The following CCSER1 variants were observed in gnomAD, a reference collection of about 807,000 sequenced individuals.
The protein encoded by CCSER1 is serine-rich coiled-coil domain-containing protein 1.
CCSER1 carries 41 observed loss-of-function variants against 82.0 expected under a neutral mutation model. The observed-to-expected ratio is 0.50, with a 90% CI of 0.39 to 0.65. The LOEUF (loss-of-function observed/expected upper bound fraction) is 0.65. CCSER1 is among the 30% of genes least tolerant of loss of function. The pLI is 0.00. For missense variants in CCSER1, 1,119 were observed against 1,064.2 expected (o/e 1.05, Z -0.72); for synonymous variants, 414 against 383.9 (o/e 1.08, Z -0.92).
chr4:91,466,633 G>A lies in CCSER1; in HGVS notation c.2218-131939G>A, dbSNP rs186202775. Among the ~76,000 whole-genome samples, 197 of 152,260 alleles carry A rather than the reference G, an allele frequency of 1.3e-3. 1 individual carries two copies. The highest frequency in any genetic ancestry group is 2.0e-3 in the African/African-American group (84 of 41,550). On this transcript the variant is annotated intron_variant, in intron 10 of 10. Transcript: ENST00000509176. ...TCATCTCAGCCCAAAATCTCCTTAA[G>A]CTGATAAGCAACTTCAGCAAAGTCT...
chr4:91,080,906 T>C (rs150014623), intron 9 of CCSER1, among the ~76,000 whole-genome samples: 2,594 of 152,070 alleles, frequency 0.017, 64 homozygotes, highest in African/African-American at 0.057. Flanking sequence ...GAAATTGAGG[T>C]AATAATTAAT....
At chr4:91,025,535 G>T (rs1434853428) in intron 9 of CCSER1, among the ~76,000 whole-genome samples, 1 of 152,096 alleles carries the variant, frequency 6.6e-6, no homozygotes, top group Non-Finnish European at 1.5e-5. Flanking sequence ...TTTCACTGTT[G>T]TTGCCACTAC....
At chr4:91,119,021 A>G (rs1337580707) in intron 10 of CCSER1, among the ~76,000 whole-genome samples, 1 of 152,134 alleles carries the variant, frequency 6.6e-6, no homozygotes, top group Non-Finnish European at 1.5e-5. Context: ...TCCTTAAAAG[A>G]GGTGTGAAGG....
intron 4 of CCSER1, among the ~76,000 whole-genome samples, chr4:90,466,748 C>G (rs1481397471): frequency 2.0e-5 from 3 of 152,170 alleles, no homozygotes; most frequent in African/African-American, 7.2e-5. Context: ...AACTCTTTCT[C>G]TATTGTTGGT....
At chr4:90,464,983 G>A (rs556784224) in intron 4 of CCSER1, among the ~76,000 whole-genome samples, 3 of 152,190 alleles carry the variant, frequency 2.0e-5, no homozygotes, top group Admixed American at 6.5e-5. Flanking sequence ...TTTTGTTTTC[G>A]AGACGGGGTC....
intron 7 of CCSER1, among the ~76,000 whole-genome samples, chr4:90,790,548 ATT>A (rs34761040): frequency 0.031 from 4,635 of 151,768 alleles, 206 homozygotes; most frequent in African/African-American, 0.1. Context: ...TTCTGGATAC[ATT>A]TTTTTTCCCC....
intron 10 of CCSER1, among the ~76,000 whole-genome samples, chr4:91,489,128 T>C (rs1300356199): frequency 6.6e-6 from 1 of 152,124 alleles, no homozygotes; most frequent in Admixed American, 6.6e-5. Context: ...AAATAGCAAG[T>C]GCTAATACCC....
intron 5 of CCSER1, among the ~76,000 whole-genome samples, chr4:90,541,624 A>G (rs1393661729): frequency 6.6e-6 from 1 of 152,126 alleles, no homozygotes; most frequent in Non-Finnish European, 1.5e-5. Context: ...GCTGCTATGT[A>G]TAAATATATG....
chr4:90,418,241 A>T (rs1003886214), intron 4 of CCSER1, among the ~76,000 whole-genome samples: 1 of 152,086 alleles, frequency 6.6e-6, no homozygotes, highest in African/African-American at 2.4e-5. Flanking sequence ...TATTTTTAAG[A>T]ACTACTGCTA....
chr4:91,503,733 A>C (rs183289643), intron 10 of CCSER1, among the ~76,000 whole-genome samples: 1 of 152,310 alleles, frequency 6.6e-6, no homozygotes, highest in South Asian at 2.1e-4. Context: ...AACTTTTAAT[A>C]AAGTTTACAA....
chr4:90,569,868 T>C (rs549373495), intron 5 of CCSER1, among the ~76,000 whole-genome samples: 74 of 152,276 alleles, frequency 4.9e-4, no homozygotes, highest in African/African-American at 1.7e-3. Context: ...CAAGACCACC[T>C]GCCTGGCTGC....
At chr4:90,694,693 TAAAG>T (rs1460534989) in intron 6 of CCSER1, among the ~76,000 whole-genome samples, 4 of 151,990 alleles carry the variant, frequency 2.6e-5, no homozygotes, top group African/African-American at 7.2e-5. Flanking sequence ...TTCAGTCTTA[TAAAG>T]AATGAGAACA....
chr4:90,435,702 A>G (rs563313779), intron 4 of CCSER1, among the ~76,000 whole-genome samples: 2 of 152,278 alleles, frequency 1.3e-5, no homozygotes, highest in South Asian at 4.1e-4. Flanking sequence ...TTAATGTGGC[A>G]GTATTTTAAT....
intron 9 of CCSER1, among the ~76,000 whole-genome samples, chr4:91,016,308 A>G (rs1019062014): frequency 6.6e-6 from 1 of 152,000 alleles, no homozygotes; most frequent in Non-Finnish European, 1.5e-5. Context: ...GGCTCCTGAA[A>G]TTCATTCTGA....
At chr4:90,808,978 T>C (rs1303362167) in intron 7 of CCSER1, among the ~76,000 whole-genome samples, 4 of 152,152 alleles carry the variant, frequency 2.6e-5, no homozygotes, top group Non-Finnish European at 5.9e-5. Flanking sequence ...TACAAAGATA[T>C]GGAATCAATT....
intron 10 of CCSER1, among the ~76,000 whole-genome samples, chr4:91,171,578 C>G (rs1490123214): frequency 1.3e-5 from 2 of 152,072 alleles, no homozygotes; most frequent in Admixed American, 6.6e-5. Context: ...CTGCAATTTC[C>G]ATTTCCATAG....
At chr4:91,587,313 C>T (rs1327274660) in intron 10 of CCSER1, among the ~76,000 whole-genome samples, 1 of 151,768 alleles carries the variant, frequency 6.6e-6, no homozygotes, top group Non-Finnish European at 1.5e-5. Flanking sequence ...CAGAAGACAT[C>T]ACCTGTGTAG....
intron 9 of CCSER1, among the ~76,000 whole-genome samples, chr4:90,972,666 C>A (rs1192127238): frequency 6.6e-6 from 1 of 151,594 alleles, no homozygotes; most frequent in Non-Finnish European, 1.5e-5. Flanking sequence ...AAAAAAAATT[C>A]TGAAATTCAT....
chr4:90,237,500 G>C (rs546542266), intron 1 of CCSER1, among the ~76,000 whole-genome samples: 1 of 152,198 alleles, frequency 6.6e-6, no homozygotes, highest in South Asian at 2.1e-4. Context: ...GCTTTTCCAA[G>C]AAAATTTTAA....
Sources: allele counts gnomAD v4.1 joint callset (sites outside exome capture counted in the v4.1 genomes callset), GRCh38; gene constraint gnomAD v4.1.1; transcripts MANE v1.5; gene names NCBI Gene and HGNC (gene_info 2026-07-23, HGNC 2026-07-21).